The following CKLF variants were observed in gnomAD, a reference collection of about 807,000 sequenced individuals.
The protein encoded by CKLF is chemokine-like factor.
A neutral mutation model predicts 12.9 loss-of-function variants in CKLF; 16 were observed. The observed-to-expected ratio is 1.24, with a 90% CI of 0.84 to 1.88. The LOEUF is 1.88. Ranked by LOEUF, CKLF falls within the 40% of genes most tolerant of loss-of-function variation. CKLF has a pLI of 0.00. For synonymous variants in CKLF, 61 were observed against 69.0 expected (o/e 0.88, Z 0.57); for missense variants, 172 against 188.5 (o/e 0.91, Z 0.51).
rs1555529540 is a variant in CKLF, at chr16:66,553,176, A to AC, written c.78+383_78+384insC. On this transcript the variant is annotated intron_variant, in intron 1 of 3. Transcript: ENST00000264001. ...CTGCCTCTTTAAAAACAAAAACAAA[A>AC]AAAAACCCTTTTTTTAAATTAAAAA... is the stretch of plus-strand genomic sequence containing the variant. 2.0e-4 allele frequency among the ~76,000 whole-genome samples: 30 copies of AC among 150,822 alleles called. 1 individual carries two copies. The highest frequency in any genetic ancestry group is 6.2e-4 in the African/African-American group (25 of 40,588).
At chr16:66,564,619 C>T (rs1382034812) in intron 3 of CKLF, among the ~76,000 whole-genome samples, 3 of 151,976 alleles carry the variant, frequency 2.0e-5, no homozygotes, top group Non-Finnish European at 4.4e-5. Flanking sequence ...TACAGGCATC[C>T]GCCACCATGC....
In CKLF at chr16:66,566,003, G is replaced by A. The variant is rs773328319; in HGVS notation, c.451G>A (p.Val151Ile). 5 of 1,610,848 alleles carry A rather than the reference G, an allele frequency of 3.1e-6. No individual in the cohort carries two copies. The East Asian group carries it at 1.1e-4, about 36-fold the overall frequency. The change falls in exon 4 of 4, where the codon GTT becomes ATT. Residue 151 changes from valine (V) to isoleucine (I), a missense_variant. Coordinates refer to ENST00000264001, the MANE Select transcript of CKLF (RefSeq NM_016951.4). This position sits in a 1 kb window ranked among gnomAD's most constrained non-coding sequence, Gnocchi z 4.9. Reference protein sequence around the residue: ...QKKPVHEKKEVL With the variant: ...QKKPVHEKKEIL ...AAAGCCTGTGCATGAAAAAAAAGAA[G>A]TTTTGTAATTTTATATTACTTTTTA... is the stretch of plus-strand genomic sequence containing the variant.
intron 1 of CKLF, among the ~76,000 whole-genome samples, chr16:66,554,846 A>G (rs1459285340): frequency 6.6e-6 from 1 of 152,244 alleles, no homozygotes; most frequent in East Asian, 1.9e-4. Flanking sequence ...GTGGGAAGGC[A>G]TCAAGAAAGA....
At chr16:66,563,359 AT>A in intron 3 of CKLF, 142 bp downstream of exon 3, 3 of 981,318 alleles carry the variant, frequency 3.1e-6, no homozygotes, top group Middle Eastern at 6.1e-4. Context: ...GTGGCTTAAT[AT>A]TTTTGTCTGT....
rs539448020 is a variant in CKLF at position 66,562,414 on chromosome 16, C to T, written c.238-708C>T. Among the ~76,000 whole-genome samples, 259 of 152,240 alleles carry T rather than the reference C, an allele frequency of 1.7e-3. 5 individuals are homozygous for T. The highest frequency in any genetic ancestry group is 2.9e-3 in the Admixed American group (44 of 15,292). The stretch of plus-strand genomic sequence containing the variant: ...ATGTAGACTACTCTGCATTTTCTTA[C>T]GTTATTAAAAATGAGCATTTTTACT... On this transcript the variant is annotated intron_variant, in intron 2 of 3. Transcript: ENST00000264001.
intron 3 of CKLF, among the ~76,000 whole-genome samples, chr16:66,563,830 T>C (rs16956714): frequency 9.9e-5 from 15 of 152,236 alleles, no homozygotes; most frequent in African/African-American, 3.4e-4. Context: ...TAGTTCTATC[T>C]GATATTCTTC....
In CKLF at chr16:66,552,576, A is replaced by G. The variant is rs1390387017; in HGVS notation, c.-140A>G. 3.0e-5 allele frequency: 41 copies of G among 1,362,008 alleles called. No individual in the cohort carries two copies. The highest frequency in any genetic ancestry group is 3.9e-5 in the Non-Finnish European group (38 of 980,132). 84.4% of individuals were successfully genotyped at this position (1,362,008 alleles called of 1,614,324 possible). ...GGCGCCGTGCGCATGCGCGCAAGAGAGCGGGAAGCCGAGCTGGGCGAGAAG... is the reference window on the plus strand; with the variant it reads ...GGCGCCGTGCGCATGCGCGCAAGAGGGCGGGAAGCCGAGCTGGGCGAGAAG... On this transcript the variant is annotated 5_prime_UTR_variant, in exon 1 of 4. Coordinates refer to ENST00000264001, the MANE Select transcript of CKLF (RefSeq NM_016951.4).
intron 1 of CKLF, among the ~76,000 whole-genome samples, chr16:66,555,784 G>A (rs997884915): frequency 1.3e-5 from 2 of 152,200 alleles, no homozygotes; most frequent in Non-Finnish European, 2.9e-5. Flanking sequence ...ATAGTTCATG[G>A]AAAAGACGAT....
intron 1 of CKLF, among the ~76,000 whole-genome samples, chr16:66,555,252 T>C (rs2011388609): frequency 6.6e-6 from 1 of 151,956 alleles, no homozygotes; most frequent in African/African-American, 2.4e-5. Context: ...CAAACAAAAA[T>C]ATACTAGCTG....
At chr16:66,555,448 T>G (rs1372078208) in intron 1 of CKLF, among the ~76,000 whole-genome samples, 1 of 152,204 alleles carries the variant, frequency 6.6e-6, no homozygotes, top group African/African-American at 2.4e-5. Flanking sequence ...CCAACAAGAT[T>G]TGCTGATGAG....
chr16:66,564,173 C>A (rs1440101423), intron 3 of CKLF, among the ~76,000 whole-genome samples: 1 of 152,304 alleles, frequency 6.6e-6, no homozygotes, highest in East Asian at 1.9e-4. Context: ...TTTACTCATT[C>A]ATTCATTTAC....
Position 66,565,932 on chromosome 16 carries a change from T to A in CKLF, c.380T>A (p.Leu127His). 2 of 1,614,132 alleles carry A rather than the reference T, an allele frequency of 1.2e-6. No homozygotes were observed. The highest frequency in any genetic ancestry group is 1.7e-6 in the Non-Finnish European group (2 of 1,179,962). ...TAVCCLADGALIYRKLLFNPS... is the reference protein window; with the variant it reads ...TAVCCLADGAHIYRKLLFNPS... ...GTATGCTGTCTTGCCGACGGGGCCC[T>A]TATTTACCGGAAGCTTCTGTTCAAT... The change falls in exon 4 of 4, where the codon CTT becomes CAT. Residue 127 changes from leucine to histidine, a missense_variant. Transcript: ENST00000264001.
intron 2 of CKLF, 54 bp downstream of exon 2, chr16:66,558,402 T>C (rs916842134): frequency 1.9e-6 from 3 of 1,569,604 alleles, no homozygotes; most frequent in Admixed American, 2.1e-5. Flanking sequence ...TAGTGAGATA[T>C]TCTAATGAAC....
intron 1 of CKLF, among the ~76,000 whole-genome samples, chr16:66,553,943 G>A (rs1181531431): frequency 6.6e-6 from 1 of 152,198 alleles, no homozygotes; most frequent in Non-Finnish European, 1.5e-5. Flanking sequence ...AAGAGGTTTA[G>A]AAACCACTCT....
intron 2 of CKLF, among the ~76,000 whole-genome samples, chr16:66,559,120 C>A (rs1264346153): frequency 6.6e-6 from 1 of 152,190 alleles, no homozygotes; most frequent in African/African-American, 2.4e-5. Flanking sequence ...CTGCCCTTCT[C>A]CTCTTTGGCT....
At chr16:66,563,598 A>G (rs890102329) in intron 3 of CKLF, among the ~76,000 whole-genome samples, 1 of 152,210 alleles carries the variant, frequency 6.6e-6, no homozygotes, top group Non-Finnish European at 1.5e-5. Flanking sequence ...AAAAGGATAC[A>G]TACCATTTGT....
At chr16:66,560,784 CAG>C (rs2011651622) in intron 2 of CKLF, among the ~76,000 whole-genome samples, 1 of 148,136 alleles carries the variant, frequency 6.8e-6, no homozygotes, top group African/African-American at 2.5e-5. Flanking sequence ...CACATTTAAA[CAG>C]AAAGATAAGT....
At chr16:66,562,941 C>G (rs1351853533) in intron 2 of CKLF, 181 bp from the exon 3 acceptor site, 2 of 692,892 alleles carry the variant, frequency 2.9e-6, no homozygotes, top group African/African-American at 3.7e-5. Context: ...AGGCTGGTCT[C>G]AAACTCCAGG....
chr16:66,556,980 C>T lies in CKLF; in HGVS notation c.79-1210C>T, dbSNP rs16956670. ...ACAGAACTCCCCTGGGACCCACCAG[C>T]TATTTTTTTCACTTAACATTGCCAT... On this transcript the variant is annotated intron_variant, in intron 1 of 3. Coordinates refer to ENST00000264001, the MANE Select transcript of CKLF (RefSeq NM_016951.4). 1.5e-3 allele frequency among the ~76,000 whole-genome samples: 222 copies of T among 152,184 alleles called. 1 individual carries two copies. Among genetic ancestry groups the T allele is most frequent in the African/African-American group, 5.0e-3 (209 of 41,526 alleles).
Sources: gnomAD v4.1 joint callset for allele counts (sites outside exome capture counted in the v4.1 genomes callset) on GRCh38, gnomAD v4.1.1 for gene constraint, Gnocchi (gnomAD v3.1) non-coding constraint, MANE v1.5 for transcripts, NCBI Gene and HGNC (gene_info 2026-07-23, HGNC 2026-07-21) for gene names.